Variants in HS3ST3B1 observed in about 807,000 individuals in gnomAD.
HS3ST3B1 encodes the protein heparan sulfate-glucosamine 3-sulfotransferase 3B1, also known as heparan sulfate glucosamine 3-O-sulfotransferase 3B1.
HS3ST3B1 carries 13 observed loss-of-function variants against 21.3 expected under a neutral mutation model. The ratio of observed to expected loss-of-function variants is 0.61; its 90% CI spans 0.40 to 0.97. The LOEUF (loss-of-function observed/expected upper bound fraction) is 0.97, where lower values mean the gene tolerates loss of function less well. Among genes scored for constraint, HS3ST3B1 ranks in the 50% least tolerant of loss-of-function variants. The pLI is 0.00. For missense variants in HS3ST3B1, 459 were observed against 554.8 expected (o/e 0.83, Z 1.73); for synonymous variants, 234 against 254.8 (o/e 0.92, Z 0.78).
At position 14,347,830 on chromosome 17, in the gene HS3ST3B1, C is replaced by A. The variant is rs1910622182; in HGVS notation, c.*2184C>A. On this transcript the variant is annotated 3_prime_UTR_variant, in exon 2 of 2. Coordinates refer to ENST00000360954, the MANE Select transcript of HS3ST3B1 (RefSeq NM_006041.3). Reference sequence around the variant, plus strand: ...TTTTATCCATTTCGTAGCTTTTTTACTGTCTCCAGAAAGTAGTGTGGGACC... The same window carrying A: ...TTTTATCCATTTCGTAGCTTTTTTAATGTCTCCAGAAAGTAGTGTGGGACC... The A allele has an allele frequency of 6.6e-6, 1 of 152,170 alleles. No homozygotes were observed. The highest frequency in any genetic ancestry group is 1.5e-5 in the Non-Finnish European group (1 of 68,030). 9.4% of individuals were successfully genotyped at this position (152,170 alleles called of 1,614,324 possible).
intron 1 of HS3ST3B1, among the ~76,000 whole-genome samples, chr17:14,313,758 C>T (rs1378610636): frequency 6.6e-6 from 1 of 151,786 alleles, no homozygotes; most frequent in African/African-American, 2.4e-5. Flanking sequence ...TTAGTAGAGG[C>T]GGGGTTCCAC....
intron 1 of HS3ST3B1, chr17:14,328,244 T>C (rs1467519966): frequency 6.6e-6 from 1 of 152,228 alleles, no homozygotes; most frequent in African/African-American, 2.4e-5. Context: ...AGGCCTCCAA[T>C]GCTTTCCTTC....
At chr17:14,335,790 G>C (rs1324763710) in intron 1 of HS3ST3B1, among the ~76,000 whole-genome samples, 1 of 152,196 alleles carries the variant, frequency 6.6e-6, no homozygotes, top group East Asian at 1.9e-4. Context: ...CAAGGATTTG[G>C]GCAACCTTTG....
At chr17:14,320,028 G>A (rs1258421112) in intron 1 of HS3ST3B1, among the ~76,000 whole-genome samples, 4 of 152,126 alleles carry the variant, frequency 2.6e-5, no homozygotes, top group African/African-American at 4.8e-5. Context: ...AGGACTGAGA[G>A]GGTCAGAGAG....
rs1386954342 is a variant in HS3ST3B1, at chr17:14,301,867, G to A, written c.349G>A (p.Glu117Lys). The change falls in exon 1 of 2, where the codon GAG becomes AAG. Residue 117 changes from glutamate (E) to lysine (K), a missense_variant. Glu to Lys is a moderately conservative substitution (Grantham distance 56). Around this residue, in one of 3 missense-constraint regions of HS3ST3B1, gnomAD observed 317 missense variants for 278.6 expected, o/e 1.14. Transcript: ENST00000360954. ...TGCGAGCCCGGAGGAGCAGAGTCCC[G>A]AGGTGCCGGACTCCCCAAGCCCCAT... Reference protein sequence around the residue: ...GAASPEEQSPEVPDSPSPISS... With the variant: ...GAASPEEQSPKVPDSPSPISS... 1 of 1,602,206 alleles carries A rather than the reference G, an allele frequency of 6.2e-7. No individual in the cohort carries two copies. Among genetic ancestry groups the A allele is most frequent in the Non-Finnish European group, 8.5e-7 (1 of 1,175,634 alleles).
At chr17:14,321,343 G>A (rs1909652438) in intron 1 of HS3ST3B1, among the ~76,000 whole-genome samples, 1 of 152,176 alleles carries the variant, frequency 6.6e-6, no homozygotes, top group Non-Finnish European at 1.5e-5. Context: ...TAATTTATTA[G>A]CCTGTTTGTC....
At chr17:14,304,178 G>A (rs1367072384) in intron 1 of HS3ST3B1, 1 of 152,186 alleles carries the variant, frequency 6.6e-6, no homozygotes, top group Non-Finnish European at 1.5e-5. Flanking sequence ...GCGGCCGCAA[G>A]GGCTTGGCTG....
At chr17:14,331,298 A>T (rs917803101) in intron 1 of HS3ST3B1, among the ~76,000 whole-genome samples, 2 of 133,012 alleles carry the variant, frequency 1.5e-5, no homozygotes, top group Non-Finnish European at 3.3e-5. Context: ...CCCTCCCTCC[A>T]CCCCCACCCC....
chr17:14,325,305 G>A (rs1400745446), intron 1 of HS3ST3B1, among the ~76,000 whole-genome samples: 1 of 152,216 alleles, frequency 6.6e-6, no homozygotes, highest in Non-Finnish European at 1.5e-5. Context: ...TACAATGAGT[G>A]TGTTAAAAAC....
At chr17:14,329,367 A>AGGAAGGAAGGAAGGAAGGAAGGAAGG (rs1340394610) in intron 1 of HS3ST3B1, 155 of 106,008 alleles carry the variant, frequency 1.5e-3, no homozygotes, top group Admixed American at 7.8e-3. Flanking sequence ...GAAAGAAAGA[A>AGGAAGGAAGGAAGGAAGGAAGGAAGG]AAGGAAGGAA....
At position 14,345,143 on chromosome 17, in the gene HS3ST3B1, A is replaced by G. The variant is rs764886247; in HGVS notation, c.670A>G (p.Ile224Val). 3.8e-6 allele frequency: 6 copies of G among 1,589,018 alleles called. No homozygotes were observed. In the South Asian group the frequency reaches 5.7e-5, roughly 15 times the overall value. Reference protein sequence around the residue: ...ISAMSKDTKLIVVVRDPVTRA... With the variant: ...ISAMSKDTKLVVVVRDPVTRA... Reference sequence around the variant, plus strand: ...GGCCATGTCCAAGGACACCAAGCTCATCGTGGTGGTGCGGGACCCGGTGAC... The same window carrying G: ...GGCCATGTCCAAGGACACCAAGCTCGTCGTGGTGGTGCGGGACCCGGTGAC... The change falls in exon 2 of 2, where the codon ATC becomes GTC. Residue 224 changes from isoleucine to valine, a missense_variant. Transcript: ENST00000360954.
At position 14,345,678 on chromosome 17, in the gene HS3ST3B1, G is replaced by A. The variant is rs767867893; in HGVS notation, c.*32G>A. ...CCGGGCTATGTACCTTACCCACGTG[G>A]CTTATCTATTGACAGAGATTATATG... On this transcript the variant is annotated 3_prime_UTR_variant, in exon 2 of 2. Transcript: ENST00000360954. 1 of 1,597,010 alleles carries A rather than the reference G, an allele frequency of 6.3e-7. No individual in the cohort carries two copies. The highest frequency in any genetic ancestry group is 2.2e-5 in the East Asian group (1 of 44,554).
chr17:14,342,120 A>G (rs1249975682), intron 1 of HS3ST3B1, among the ~76,000 whole-genome samples: 1 of 152,140 alleles, frequency 6.6e-6, no homozygotes, highest in East Asian at 1.9e-4. Flanking sequence ...TCCTGTGATC[A>G]AGTTTCTATG....
In HS3ST3B1 at chr17:14,325,812, C is replaced by T. The variant is rs770537221; in HGVS notation, c.555-19216C>T. ...GACGCCTAACAAAAGATTTTGATGC[C>T]GCCAACCTCCTACATTTTATGTGGC... On this transcript the variant is annotated intron_variant, in intron 1 of 1. Coordinates refer to ENST00000360954, the MANE Select transcript of HS3ST3B1 (RefSeq NM_006041.3). 7.9e-5 allele frequency among the ~76,000 whole-genome samples: 12 copies of T among 152,288 alleles called. No homozygotes were observed. The South Asian group carries it at 1.0e-3, about 13-fold the overall frequency.
chr17:14,341,093 G>A (rs1326361212), intron 1 of HS3ST3B1, among the ~76,000 whole-genome samples: 1 of 152,162 alleles, frequency 6.6e-6, no homozygotes, highest in Non-Finnish European at 1.5e-5. Context: ...CAGTAAATCT[G>A]CCCACGGCTC....
rs1308558957 is a variant in HS3ST3B1, at chr17:14,301,746, C to T, written c.228C>T (p.Ala76=). 23 of 1,596,574 alleles carry T rather than the reference C, an allele frequency of 1.4e-5. No individual in the cohort carries two copies. Among genetic ancestry groups the T allele is most frequent in the Non-Finnish European group, 2.0e-5 (23 of 1,173,156 alleles). Residue 76 remains alanine (A), a synonymous_variant, in exon 1 of 2, where the codon GCC becomes GCT. Coordinates refer to ENST00000360954, the MANE Select transcript of HS3ST3B1 (RefSeq NM_006041.3). Reference sequence around the variant, plus strand: ...CCCGCGCCGCACACGACCCGCCAGCCCTGGCCACAGCTCCGGACGGGACGC... The same window carrying T: ...CCCGCGCCGCACACGACCCGCCAGCTCTGGCCACAGCTCCGGACGGGACGC... ...SGSRAAHDPP[A]LATAPDGTPP...
In HS3ST3B1 at chr17:14,337,270, C is replaced by T. The variant is rs186838390; in HGVS notation, c.555-7758C>T. ...TGGTAGCCTGATTCATATCTGGTAA[C>T]CAACTCTCAGAGGGGTGTGTGTGTG... On this transcript the variant is annotated intron_variant, in intron 1 of 1. Transcript: ENST00000360954. Among the ~76,000 whole-genome samples, 3 of 151,484 alleles carry T rather than the reference C, an allele frequency of 2.0e-5. No homozygotes were observed. In the East Asian group the frequency reaches 5.8e-4, roughly 29 times the overall value.
intron 1 of HS3ST3B1, among the ~76,000 whole-genome samples, chr17:14,330,550 G>GGTGTGTATGTGT (rs111261697): frequency 6.0e-4 from 86 of 144,172 alleles, no homozygotes; most frequent in African/African-American, 2.1e-3. Context: ...CTGGTTTCCC[G>GGTGTGTATGTGT]GTGTGTGTGT....
At chr17:14,340,875 G>A (rs1158459044) in intron 1 of HS3ST3B1, among the ~76,000 whole-genome samples, 1 of 152,176 alleles carries the variant, frequency 6.6e-6, no homozygotes, top group Non-Finnish European at 1.5e-5. Context: ...GAGCCACCAA[G>A]CCCGGCTGAG....
Sources: allele counts gnomAD v4.1 joint callset (sites outside exome capture counted in the v4.1 genomes callset), GRCh38; gene constraint gnomAD v4.1.1; regional missense constraint gnomAD v4.1.1; transcripts MANE v1.5; gene names NCBI Gene and HGNC (gene_info 2026-07-23, HGNC 2026-07-21).